The following PRKG1 variants were observed in gnomAD, a reference collection of about 807,000 sequenced individuals.
PRKG1 encodes protein kinase cGMP-dependent 1.
Under a neutral mutation model 88.1 loss-of-function variants are expected in PRKG1, and 35 were observed. That is an observed-to-expected ratio of 0.40 (90% CI 0.30 to 0.53). PRKG1 has a LOEUF of 0.53. Among genes scored for constraint, PRKG1 ranks in the 20% least tolerant of loss-of-function variants. PRKG1 has a pLI of 0.59. For synonymous variants in PRKG1, 303 were observed against 292.5 expected, an observed-to-expected ratio of 1.04 and a Z score of -0.37; for missense variants, 540 against 839.8, an observed-to-expected ratio of 0.64 and a Z score of 4.41.
intron 3 of PRKG1, among the ~76,000 whole-genome samples, chr10:51,533,847 A>G (rs1335699264): frequency 1.3e-5 from 2 of 152,218 alleles, no homozygotes; most frequent in East Asian, 3.8e-4. Context: ...CAGTCTTAGA[A>G]AAGTTGTTCT....
chr10:51,543,174 G>A lies in PRKG1; in HGVS notation c.592+75338G>A, dbSNP rs116045599. On this transcript the variant is annotated intron_variant, in intron 3 of 17. Transcript: ENST00000373980. The stretch of plus-strand genomic sequence containing the variant: ...TGTCCCATCTAACATTACCAATAAT[G>A]TAACTGAGGATATAATGTGCTTGTC... 1.0e-2 allele frequency among the ~76,000 whole-genome samples: 1,522 copies of A among 152,226 alleles called. 16 individuals carry two copies. Among genetic ancestry groups the A allele is most frequent in the African/African-American group, 0.029 (1,200 of 41,530 alleles).
At chr10:51,385,286 T>C (rs1253592906) in intron 2 of PRKG1, among the ~76,000 whole-genome samples, 2 of 152,206 alleles carry the variant, frequency 1.3e-5, no homozygotes, top group East Asian at 3.9e-4. Flanking sequence ...ACAGTGTATT[T>C]CTTCCTATTT....
At chr10:52,222,485 G>A (rs1305271727) in intron 9 of PRKG1, among the ~76,000 whole-genome samples, 1 of 151,984 alleles carries the variant, frequency 6.6e-6, no homozygotes, top group African/African-American at 2.4e-5. Context: ...CTTCACCATT[G>A]GAAACCCCAA....
Position 51,394,711 on chromosome 10 carries a change from A to G in PRKG1, c.479-73012A>G, listed in dbSNP as rs1334703245. On this transcript the variant is annotated intron_variant, in intron 2 of 17. Coordinates refer to ENST00000373980, the MANE Select transcript of PRKG1 (RefSeq NM_006258.4). ...TATTTCTCATGCTTTACTTGTATCA[A>G]TTAACTTGATCCTCACAACAATACT... Among the ~76,000 whole-genome samples the G allele has an allele frequency of 4.6e-5, 7 of 152,198 alleles. No individual in the cohort carries two copies. In the East Asian group the frequency reaches 9.6e-4, roughly 21 times the overall value.
At chr10:51,816,734 A>C (rs1174664593) in intron 4 of PRKG1, among the ~76,000 whole-genome samples, 1 of 152,190 alleles carries the variant, frequency 6.6e-6, no homozygotes, top group Non-Finnish European at 1.5e-5. Flanking sequence ...GAAGAACTCC[A>C]ATTAAGCAGC....
At chr10:51,658,589 A>T (rs977058351) in intron 3 of PRKG1, among the ~76,000 whole-genome samples, 1 of 151,550 alleles carries the variant, frequency 6.6e-6, no homozygotes, top group Non-Finnish European at 1.5e-5. Flanking sequence ...AAAAAAAAAA[A>T]TTCATCTAAA....
At chr10:52,267,577 T>C (rs1841608739) in intron 10 of PRKG1, among the ~76,000 whole-genome samples, 1 of 152,062 alleles carries the variant, frequency 6.6e-6, no homozygotes, top group South Asian at 2.1e-4. Context: ...AAAATCATTG[T>C]TAACGTATTG....
At chr10:51,815,143 C>T (rs952155163) in intron 4 of PRKG1, among the ~76,000 whole-genome samples, 19 of 152,154 alleles carry the variant, frequency 1.2e-4, no homozygotes, top group African/African-American at 4.6e-4. Flanking sequence ...TTTCTCAAAA[C>T]TCTGGGGTTC....
At chr10:51,937,881 G>T (rs1842828736) in intron 5 of PRKG1, among the ~76,000 whole-genome samples, 1 of 152,038 alleles carries the variant, frequency 6.6e-6, no homozygotes, top group South Asian at 2.1e-4. Flanking sequence ...TTTGCATGCT[G>T]GTCTGAGTAG....
intron 3 of PRKG1, among the ~76,000 whole-genome samples, chr10:51,746,937 A>G (rs1293129139): frequency 6.6e-6 from 1 of 152,140 alleles, no homozygotes; most frequent in Non-Finnish European, 1.5e-5. Flanking sequence ...GACTTTCACT[A>G]GAACCTAAAG....
chr10:51,814,978 A>G (rs937634450), intron 4 of PRKG1, among the ~76,000 whole-genome samples: 58 of 152,264 alleles, frequency 3.8e-4, no homozygotes, highest in African/African-American at 1.2e-3. Context: ...TCTCACACAG[A>G]TAAGTCCTAT....
intron 8 of PRKG1, among the ~76,000 whole-genome samples, chr10:52,150,183 A>ATTATTATTATTATTATTATT (rs1554810291): frequency 1.2e-3 from 172 of 147,986 alleles, no homozygotes; most frequent in African/African-American, 3.9e-3. Flanking sequence ...TAATAATAAT[A>ATTATTATTATTATTATTATT]ATTTGATTGG....
chr10:51,578,487 A>G (rs1429221723), intron 3 of PRKG1, among the ~76,000 whole-genome samples: 2 of 152,142 alleles, frequency 1.3e-5, no homozygotes, highest in Non-Finnish European at 2.9e-5. Flanking sequence ...TAAGTGTAGA[A>G]GTATAGAGAA....
At chr10:51,585,897 A>G (rs1476306177) in intron 3 of PRKG1, among the ~76,000 whole-genome samples, 2 of 152,142 alleles carry the variant, frequency 1.3e-5, no homozygotes, top group African/African-American at 4.8e-5. Flanking sequence ...ATGTTTTCAC[A>G]TATAAGTAGG....
At chr10:52,187,231 A>G (rs143188222) in intron 9 of PRKG1, among the ~76,000 whole-genome samples, 64 of 152,240 alleles carry the variant, frequency 4.2e-4, no homozygotes, top group Non-Finnish European at 4.3e-4. Flanking sequence ...AAAATACTTC[A>G]TCTCAGTTTG....
chr10:51,789,550 T>C (rs536080887), intron 3 of PRKG1, among the ~76,000 whole-genome samples: 7 of 152,290 alleles, frequency 4.6e-5, no homozygotes, highest in African/African-American at 1.7e-4. Flanking sequence ...AGAATGTTTC[T>C]GGGTTTTGAC....
intron 5 of PRKG1, among the ~76,000 whole-genome samples, chr10:52,040,956 C>T (rs1200364482): frequency 6.6e-6 from 1 of 150,394 alleles, no homozygotes; most frequent in Non-Finnish European, 1.5e-5. Context: ...CCTGCCTCAG[C>T]CTTCTGAGTA....
At chr10:51,517,113 A>G (rs1841610225) in intron 3 of PRKG1, among the ~76,000 whole-genome samples, 1 of 152,232 alleles carries the variant, frequency 6.6e-6, no homozygotes, top group African/African-American at 2.4e-5. Context: ...AGAGAAAAGC[A>G]TGCAAAAGAA....
intron 5 of PRKG1, among the ~76,000 whole-genome samples, chr10:51,925,018 G>C (rs968281510): frequency 6.6e-6 from 1 of 150,478 alleles, no homozygotes; most frequent in Non-Finnish European, 1.5e-5. Flanking sequence ...TTTTCTGATA[G>C]TTACAAAATT....
Sources: allele counts gnomAD v4.1 joint callset (sites outside exome capture counted in the v4.1 genomes callset), GRCh38; gene constraint gnomAD v4.1.1; transcripts MANE v1.5; gene names NCBI Gene and HGNC (gene_info 2026-07-23, HGNC 2026-07-21).